The following ZBTB7C variants were observed in gnomAD, a reference collection of about 807,000 sequenced individuals.
ZBTB7C encodes the protein zinc finger and BTB domain-containing protein 7C.
ZBTB7C carries 8 observed loss-of-function variants against 25.7 expected under a neutral mutation model. That is an observed-to-expected ratio of 0.31 (90% CI 0.18 to 0.56). The LOEUF is 0.56. Ranked by LOEUF, ZBTB7C falls within the 20% of genes least tolerant of loss-of-function variation. The pLI is 0.91. For missense variants in ZBTB7C, 824 were observed against 855.2 expected (o/e 0.96, Z 0.46); for synonymous variants, 394 against 369.0 (o/e 1.07, Z -0.78).
rs151285910 is a variant in ZBTB7C, at chr18:48,158,892, T to C, written c.-17+27042A>G. ...GAAGCCGCTGGGGGAAGGGACAGGC[T>C]ACAGGGGAGCATGAAGCTGAAGGCA... On this transcript the variant is annotated intron_variant, in intron 3 of 4. Coordinates refer to ENST00000590800, the MANE Select transcript of ZBTB7C (RefSeq NM_001318841.2). Among the ~76,000 whole-genome samples, 250 of 152,286 alleles carry C rather than the reference T, an allele frequency of 1.6e-3. 5 individuals are homozygous for C. The East Asian group carries it at 0.035, about 21-fold the overall frequency.
At chr18:48,400,821 T>C (rs2048140754) in intron 1 of ZBTB7C, among the ~76,000 whole-genome samples, 1 of 152,258 alleles carries the variant, frequency 6.6e-6, no homozygotes, top group Non-Finnish European at 1.5e-5. Context: ...CATGGATGAC[T>C]CTTGCTATAT....
At chr18:48,390,226 T>G in intron 1 of ZBTB7C, among the ~76,000 whole-genome samples, 1 of 152,324 alleles carries the variant, frequency 6.6e-6, no homozygotes, top group Middle Eastern at 3.4e-3. Flanking sequence ...TTAATAATAT[T>G]TTAATATTCA....
At chr18:48,141,262 C>T (rs1196386272) in intron 3 of ZBTB7C, among the ~76,000 whole-genome samples, 1 of 151,988 alleles carries the variant, frequency 6.6e-6, no homozygotes, top group Non-Finnish European at 1.5e-5. Flanking sequence ...TCAGAGAGGC[C>T]TTTCCTGACC....
intron 1 of ZBTB7C, among the ~76,000 whole-genome samples, chr18:48,373,768 T>C (rs1236343961): frequency 1.3e-5 from 2 of 152,194 alleles, no homozygotes; most frequent in African/African-American, 2.4e-5. Context: ...GAGACCATCC[T>C]GGTAAACACG....
intron 3 of ZBTB7C, among the ~76,000 whole-genome samples, chr18:48,168,200 C>A (rs369855718): frequency 6.6e-4 from 101 of 152,332 alleles, no homozygotes; most frequent in African/African-American, 1.9e-3. Flanking sequence ...ATTAAGCTGT[C>A]CTGGGCCTTT....
intron 2 of ZBTB7C, among the ~76,000 whole-genome samples, chr18:48,317,263 A>G: frequency 6.6e-6 from 1 of 151,290 alleles, no homozygotes; most frequent in South Asian, 2.1e-4. Flanking sequence ...GTCTCAAAAA[A>G]AAAAAAAAAA....
intron 1 of ZBTB7C, among the ~76,000 whole-genome samples, chr18:48,358,842 C>T (rs2047037324): frequency 6.6e-6 from 1 of 152,142 alleles, no homozygotes; most frequent in Admixed American, 6.5e-5. Context: ...AACTTTATCT[C>T]AATAAATGAG....
chr18:48,381,193 TAACCAAGAA>T (rs555402251), intron 1 of ZBTB7C, among the ~76,000 whole-genome samples: 75 of 152,250 alleles, frequency 4.9e-4, no homozygotes, highest in African/African-American at 1.8e-3. Flanking sequence ...TACAGAGGGA[TAACCAAGAA>T]AGAAGAGGCC....
At chr18:48,068,185 C>T (rs1568191673) in intron 3 of ZBTB7C, among the ~76,000 whole-genome samples, 1 of 142,608 alleles carries the variant, frequency 7.0e-6, no homozygotes, top group Non-Finnish European at 1.5e-5. Context: ...GTTGCCCAGG[C>T]TGAAGTGCAG....
intron 3 of ZBTB7C, among the ~76,000 whole-genome samples, chr18:48,184,220 AACAG>A (rs926358333): frequency 1.3e-5 from 2 of 152,202 alleles, no homozygotes; most frequent in Non-Finnish European, 2.9e-5. Context: ...GGACATCCAG[AACAG>A]ACAGAGTTCT....
At chr18:48,288,899 A>C (rs2045137326) in intron 2 of ZBTB7C, among the ~76,000 whole-genome samples, 3 of 152,226 alleles carry the variant, frequency 2.0e-5, no homozygotes, top group Admixed American at 6.5e-5. Flanking sequence ...ATAGACTAAG[A>C]CAAAGATCAG....
intron 2 of ZBTB7C, among the ~76,000 whole-genome samples, chr18:48,209,685 G>A (rs1030273672): frequency 2.6e-5 from 4 of 151,896 alleles, no homozygotes; most frequent in African/African-American, 9.7e-5. Flanking sequence ...GAACCCAGGA[G>A]GTCAAGGCTG....
chr18:48,332,056 A>C (rs2046352733), intron 2 of ZBTB7C, among the ~76,000 whole-genome samples: 1 of 152,188 alleles, frequency 6.6e-6, no homozygotes, highest in East Asian at 1.9e-4. Context: ...CTAATTCCTT[A>C]ATATTTAACC....
At chr18:48,367,598 G>A (rs781644261) in intron 1 of ZBTB7C, among the ~76,000 whole-genome samples, 24 of 151,794 alleles carry the variant, frequency 1.6e-4, no homozygotes, top group Non-Finnish European at 2.8e-4. Context: ...GAAAGAGGCA[G>A]CCTAAAAAGA....
intron 1 of ZBTB7C, among the ~76,000 whole-genome samples, chr18:48,348,050 T>C (rs1942051957): frequency 6.6e-6 from 1 of 152,212 alleles, no homozygotes; most frequent in Non-Finnish European, 1.5e-5. Context: ...TAAAATAGCA[T>C]GAGCCTTGCA....
chr18:48,226,913 G>A lies in ZBTB7C; in HGVS notation c.-78-40918C>T, dbSNP rs554200089. On this transcript the variant is annotated intron_variant, in intron 2 of 4. Transcript: ENST00000590800. Reference sequence around the variant, plus strand: ...CACACAACTGTAGCCCCAGCTACTCGGGAGGCTGAGGCAGGAGAATCGCTT... The same window carrying A: ...CACACAACTGTAGCCCCAGCTACTCAGGAGGCTGAGGCAGGAGAATCGCTT... Among the ~76,000 whole-genome samples, 25 of 151,688 alleles carry A rather than the reference G, an allele frequency of 1.6e-4. No homozygotes were observed. In the East Asian group the frequency reaches 4.6e-3, roughly 28 times the overall value.
intron 3 of ZBTB7C, among the ~76,000 whole-genome samples, chr18:48,178,550 C>T (rs1307559254): frequency 6.6e-6 from 1 of 152,142 alleles, no homozygotes; most frequent in East Asian, 1.9e-4. Flanking sequence ...GTTATGATCT[C>T]TTTAGGAGCC....
chr18:48,074,014 C>CT (rs575904548), intron 3 of ZBTB7C, among the ~76,000 whole-genome samples: 4,905 of 138,626 alleles, frequency 0.035, 114 homozygotes, highest in Non-Finnish European at 0.052. Context: ...AGAAAAATTT[C>CT]TTTTTTTTTT....
In ZBTB7C at chr18:48,092,709, T is replaced by C. The variant is rs115103628; in HGVS notation, c.-16-51586A>G. On this transcript the variant is annotated intron_variant, in intron 3 of 4. Transcript: ENST00000590800. ...GGGGGAACCCTAACCACTAGACTCA[T>C]ATGCAGATGAAAGGCCTTGACCCAC... Among the ~76,000 whole-genome samples the C allele has an allele frequency of 3.4e-3, 514 of 152,328 alleles. 4 individuals are homozygous for C. Among genetic ancestry groups the C allele is most frequent in the African/African-American group, 0.012 (494 of 41,562 alleles).
Sources: allele counts gnomAD v4.1 joint callset (sites outside exome capture counted in the v4.1 genomes callset), GRCh38; gene constraint gnomAD v4.1.1; transcripts MANE v1.5; gene names NCBI Gene and HGNC (gene_info 2026-07-23, HGNC 2026-07-21).